The following SLC30A6 variants were observed in gnomAD, a reference collection of about 807,000 sequenced individuals.
SLC30A6 encodes zinc transporter 6.
A neutral mutation model predicts 63.0 loss-of-function variants in SLC30A6; 55 were observed. The ratio of observed to expected loss-of-function variants is 0.87; its 90% confidence interval spans 0.70 to 1.09. The LOEUF (loss-of-function observed/expected upper bound fraction) is 1.09. Ranked by LOEUF, SLC30A6 falls within the 50% of genes least tolerant of loss-of-function variation. The probability of loss-of-function intolerance (pLI) is 0.00; values close to 1 mark genes in which losing one functional copy is unlikely to be tolerated. For missense variants in SLC30A6, 587 were observed against 549.2 expected, an observed-to-expected ratio of 1.07 and a Z score of -0.69; for synonymous variants, 224 against 186.1, an observed-to-expected ratio of 1.20 and a Z score of -1.66.
intron 1 of SLC30A6, among the ~76,000 whole-genome samples, chr2:32,166,713 A>G (rs905050753): frequency 6.6e-6 from 1 of 152,254 alleles, no homozygotes; most frequent in Admixed American, 6.5e-5. Context: ...GAAAGAGACC[A>G]CATTTCTGTG....
At chr2:32,177,317 CTCTT>C (rs958103158) in intron 4 of SLC30A6, among the ~76,000 whole-genome samples, 2 of 151,796 alleles carry the variant, frequency 1.3e-5, no homozygotes, top group African/African-American at 4.8e-5. Flanking sequence ...TCAATAGTTA[CTCTT>C]TCTTTTTTTT....
chr2:32,173,348 GT>G (rs1681405955), intron 2 of SLC30A6, among the ~76,000 whole-genome samples: 1 of 150,558 alleles, frequency 6.6e-6, no homozygotes, highest in Non-Finnish European at 1.5e-5. Context: ...ACCTTACTTG[GT>G]TGATGTTGAA....
chr2:32,183,938 G>T (rs10199511), intron 4 of SLC30A6, among the ~76,000 whole-genome samples: 1 of 152,036 alleles, frequency 6.6e-6, no homozygotes, highest in Admixed American at 6.6e-5. Context: ...TCATTTTTTA[G>T]CATTTTCAGT....
intron 13 of SLC30A6, among the ~76,000 whole-genome samples, chr2:32,213,346 C>T (rs1157193639): frequency 2.2e-5 from 3 of 134,262 alleles, no homozygotes; most frequent in South Asian, 2.4e-4. Flanking sequence ...TGGTTACTTT[C>T]GAGACTCATA....
intron 4 of SLC30A6, among the ~76,000 whole-genome samples, chr2:32,180,314 G>A (rs1682182267): frequency 6.6e-6 from 1 of 151,732 alleles, no homozygotes; most frequent in African/African-American, 2.4e-5. Flanking sequence ...GTAGGCAGTA[G>A]GATCACTTGA....
chr2:32,213,436 C>G (rs1383311973), intron 13 of SLC30A6, among the ~76,000 whole-genome samples: 3 of 151,830 alleles, frequency 2.0e-5, no homozygotes, highest in Admixed American at 6.6e-5. Context: ...CTCCCAGTTG[C>G]AGCTGCTTTT....
intron 10 of SLC30A6, chr2:32,201,549 A>C: frequency 9.9e-7 from 1 of 1,008,480 alleles, no homozygotes; most frequent in Non-Finnish European, 1.4e-6. Flanking sequence ...TTTTTGCTGC[A>C]TGTAGGTGGT....
rs552153350 is a variant in SLC30A6 at position 32,166,554 on chromosome 2, C to G, written c.3+651C>G. Among the ~76,000 whole-genome samples the G allele has an allele frequency of 5.0e-4, 76 of 152,328 alleles. 1 individual carries two copies. The East Asian group carries it at 0.013, about 27-fold the overall frequency. On this transcript the variant is annotated intron_variant, in intron 1 of 13. Coordinates refer to ENST00000282587, the MANE Select transcript of SLC30A6 (RefSeq NM_017964.5). ...TTCTCTCAAATTTGTTAGAATTAGT[C>G]ATTCTTTGCCTTTAGAGCTCAAATA...
intron 4 of SLC30A6, among the ~76,000 whole-genome samples, chr2:32,181,939 T>C (rs913281339): frequency 2.0e-5 from 3 of 148,888 alleles, no homozygotes; most frequent in African/African-American, 7.4e-5. Context: ...TTTTCTTTTT[T>C]TTTTTTTTTT....
rs1200333653 is a variant in SLC30A6, at chr2:32,197,345, T to A, written c.498T>A (p.Ala166=). ...AATTTAAGTATTTTCTTCTTAAAGCTGCTAGTACGAGCTGGCTTCAAGAGC... is the reference window on the plus strand; with the variant it reads ...AATTTAAGTATTTTCTTCTTAAAGCAGCTAGTACGAGCTGGCTTCAAGAGC... The part of the protein sequence containing the change: ...RNKPFAYVSE[A]ASTSWLQEHV... Residue 166 remains alanine, a splice_region_variant and synonymous_variant, in exon 9 of 14, where the codon GCT becomes GCA. Transcript: ENST00000282587. The A allele has an allele frequency of 6.2e-7, 1 of 1,613,080 alleles. No individual in the cohort carries two copies. The highest frequency in any genetic ancestry group is 8.5e-7 in the Non-Finnish European group (1 of 1,179,482).
rs1197101101 is a variant in SLC30A6, at chr2:32,215,075, A to G, written c.886-5138A>G. On this transcript the variant is annotated intron_variant, in intron 13 of 13. Coordinates refer to ENST00000282587, the MANE Select transcript of SLC30A6 (RefSeq NM_017964.5). ...AAGTCATAGATTCAGATACAGTGTT[A>G]CTAAACAATTTGGCTAATTTATGTG... is the stretch of plus-strand genomic sequence containing the variant. Among the ~76,000 whole-genome samples the G allele has an allele frequency of 2.0e-5, 3 of 152,356 alleles. No individual in the cohort carries two copies. The East Asian group carries it at 5.8e-4, about 29-fold the overall frequency.
intron 5 of SLC30A6, chr2:32,187,101 C>G (rs1682901034): frequency 5.4e-5 from 25 of 462,202 alleles, no homozygotes; most frequent in South Asian, 3.8e-4. Context: ...AAGACAGTAA[C>G]TGGCGCAGGC....
chr2:32,198,114 A>G (rs961426162), intron 10 of SLC30A6, among the ~76,000 whole-genome samples: 16 of 152,202 alleles, frequency 1.1e-4, no homozygotes, highest in African/African-American at 3.6e-4. Flanking sequence ...GATCTGAGCC[A>G]CCACTGCTAT....
rs756854585 is a variant in SLC30A6, at chr2:32,192,925, C to T, written c.373C>T (p.Arg125Cys). The T allele has an allele frequency of 7.9e-6, 12 of 1,522,034 alleles. No homozygotes were observed. The highest frequency in any genetic ancestry group is 5.6e-5 in the African/African-American group (4 of 71,426). The allele number at this position is 1,522,034 out of a possible 1,614,324, so 94.3% of individuals were successfully genotyped here. ...TATTTTTATTTCTTATAGTGCAGAA[C>T]GCTTTTTGGAACAGCCCGAGATACA... ...ALFILKESAE[R>C]FLEQPEIHTG... Residue 125 changes from arginine (R) to cysteine (C), a missense_variant, in exon 7 of 14, where the codon CGC becomes TGC. Arg to Cys is a radical substitution (Grantham distance 180). Coordinates refer to ENST00000282587, the MANE Select transcript of SLC30A6 (RefSeq NM_017964.5).
intron 11 of SLC30A6, among the ~76,000 whole-genome samples, chr2:32,206,140 G>A (rs547687327): frequency 6.6e-6 from 1 of 152,068 alleles, no homozygotes; most frequent in East Asian, 1.9e-4. Flanking sequence ...GGAACACCCT[G>A]AATATGAATA....
intron 5 of SLC30A6, chr2:32,187,056 G>T (rs1416505350): frequency 2.7e-6 from 1 of 372,702 alleles, no homozygotes; most frequent in South Asian, 2.0e-5. Context: ...AAAATGGGAG[G>T]ACTTTTACAA....
At chr2:32,197,016 C>T (rs1470475473) in intron 8 of SLC30A6, among the ~76,000 whole-genome samples, 1 of 152,170 alleles carries the variant, frequency 6.6e-6, no homozygotes, top group Non-Finnish European at 1.5e-5. Flanking sequence ...GCCGAGATGG[C>T]ACCACTGCAC....
intron 10 of SLC30A6, chr2:32,203,776 A>G (rs1573379602): frequency 6.7e-7 from 1 of 1,492,174 alleles, no homozygotes; most frequent in East Asian, 2.3e-5. Context: ...AGTGCCAGCC[A>G]AATTACCTGA....
At chr2:32,176,666 A>AT (rs1681773903) in intron 4 of SLC30A6, among the ~76,000 whole-genome samples, 1 of 152,074 alleles carries the variant, frequency 6.6e-6, no homozygotes, top group East Asian at 1.9e-4. Flanking sequence ...TCAAAAAAAA[A>AT]AAAGGCTTTA....
Sources: gnomAD v4.1 joint callset for allele counts (sites outside exome capture counted in the v4.1 genomes callset) on GRCh38, gnomAD v4.1.1 for gene constraint, MANE v1.5 for transcripts, NCBI Gene and HGNC (gene_info 2026-07-23, HGNC 2026-07-21) for gene names.